Variants in KIZ observed in about 807,000 individuals in gnomAD.
The protein encoded by KIZ is centrosomal protein kizuna.
Under a neutral mutation model 79.6 loss-of-function variants are expected in KIZ, and 68 were observed. The ratio of observed to expected loss-of-function variants is 0.85; its 90% CI spans 0.70 to 1.05. KIZ has a LOEUF of 1.05. Among genes scored for constraint, KIZ ranks in the 50% least tolerant of loss-of-function variants. KIZ has a pLI of 0.00. For missense variants in KIZ, 797 were observed against 800.4 expected (o/e 1.00, Z 0.05); for synonymous variants, 280 against 281.8 (o/e 0.99, Z 0.06).
In KIZ at chr20:21,162,337, T is replaced by TA. The variant is rs757151632; in HGVS notation, c.875dup (p.Cys293ValfsTer2). 3.4e-5 allele frequency: 55 copies of TA among 1,613,784 alleles called. No individual in the cohort carries two copies. Among genetic ancestry groups the TA allele is most frequent in the Non-Finnish European group, 1.8e-5 (21 of 1,179,838 alleles). On this transcript the variant is annotated frameshift_variant, in exon 5 of 13. Transcript: ENST00000619189. LOFTEE classifies it high-confidence loss of function. ...AGTCCAGAGAACAGAACCACTGATT[T>TA]AAAGTGTGACAGTTCCAGCGGATCA...
intron 4 of KIZ, among the ~76,000 whole-genome samples, chr20:21,156,732 C>T (rs769699489): frequency 1.3e-5 from 2 of 152,160 alleles, no homozygotes; most frequent in Non-Finnish European, 2.9e-5. Flanking sequence ...TTTGGAAATG[C>T]TCACTGAAGT....
chr20:21,219,895 C>A (rs1028062305), intron 9 of KIZ, among the ~76,000 whole-genome samples: 1 of 152,152 alleles, frequency 6.6e-6, no homozygotes, highest in Non-Finnish European at 1.5e-5. Context: ...TTTAGATTTA[C>A]ATAGAAACCC....
At chr20:21,211,027 G>A (rs934072312) in intron 7 of KIZ, among the ~76,000 whole-genome samples, 6 of 151,764 alleles carry the variant, frequency 4.0e-5, no homozygotes, top group African/African-American at 1.5e-4. Flanking sequence ...TTTAATTTTT[G>A]TCTTTTAATT....
chr20:21,147,041 T>A (rs925244823), intron 4 of KIZ, among the ~76,000 whole-genome samples: 1 of 152,230 alleles, frequency 6.6e-6, no homozygotes, highest in African/African-American at 2.4e-5. Context: ...ATTGATGTGT[T>A]TTAATCTAGA....
In KIZ at chr20:21,162,397, T is replaced by A; in HGVS notation, c.932T>A (p.Val311Asp). 1 of 1,613,362 alleles carries A rather than the reference T, an allele frequency of 6.2e-7. No homozygotes were observed. Among genetic ancestry groups the A allele is most frequent in the Non-Finnish European group, 8.5e-7 (1 of 1,179,594 alleles). ...ATACTGACACGGGAACATATTGAAG[T>A]TGAGGAAAAAAGAGCCAGCCCGCCA... ...GEILTREHIE[V>D]EEKRASPPVS... Residue 311 changes from valine (V) to aspartate (D), a missense_variant, in exon 5 of 13, where the codon GTT becomes GAT. Val to Asp is a radical substitution (Grantham distance 152). Transcript: ENST00000619189.
At chr20:21,183,842 C>G (rs2034762102) in intron 6 of KIZ, among the ~76,000 whole-genome samples, 1 of 152,188 alleles carries the variant, frequency 6.6e-6, no homozygotes, top group South Asian at 2.1e-4. Flanking sequence ...TGGGCTCTGA[C>G]TTCTCTGTTT....
intron 6 of KIZ, among the ~76,000 whole-genome samples, chr20:21,176,896 G>T (rs1320142745): frequency 6.6e-6 from 1 of 152,210 alleles, no homozygotes; most frequent in South Asian, 2.1e-4. Flanking sequence ...CACTTAGCAT[G>T]TTGTCTTCAG....
At chr20:21,237,000 A>T (rs2037032716) in intron 11 of KIZ, among the ~76,000 whole-genome samples, 1 of 150,616 alleles carries the variant, frequency 6.6e-6, no homozygotes, top group Admixed American at 6.6e-5. Context: ...TCTGTTTAAA[A>T]AAAAAAAAAA....
At chr20:21,154,520 C>A (rs2033279216) in intron 4 of KIZ, among the ~76,000 whole-genome samples, 1 of 152,122 alleles carries the variant, frequency 6.6e-6, no homozygotes, top group Non-Finnish European at 1.5e-5. Context: ...ATAACTGTGA[C>A]AAGAAGAGAA....
At chr20:21,133,925 C>T (rs552458974) in intron 2 of KIZ, among the ~76,000 whole-genome samples, 6 of 152,304 alleles carry the variant, frequency 3.9e-5, no homozygotes, top group African/African-American at 1.2e-4. Flanking sequence ...GTATTCCTAC[C>T]GGTTTCTGAC....
At chr20:21,231,363 T>G (rs2036827064) in intron 10 of KIZ, among the ~76,000 whole-genome samples, 1 of 152,138 alleles carries the variant, frequency 6.6e-6, no homozygotes, top group Admixed American at 6.5e-5. Flanking sequence ...ATTTGACATA[T>G]AAGTTCTAGT....
intron 10 of KIZ, among the ~76,000 whole-genome samples, chr20:21,231,581 C>T (rs2036834408): frequency 6.6e-6 from 1 of 152,188 alleles, no homozygotes; most frequent in Admixed American, 6.5e-5. Flanking sequence ...CATGGAAGTG[C>T]TCCTGCCTAT....
intron 3 of KIZ, among the ~76,000 whole-genome samples, chr20:21,138,090 C>T (rs1434350954): frequency 6.6e-6 from 1 of 152,142 alleles, no homozygotes; most frequent in African/African-American, 2.4e-5. Context: ...TAATTTTCAG[C>T]TCGTATTCAG....
intron 6 of KIZ, chr20:21,195,531 A>G (rs1306485483): frequency 6.6e-6 from 1 of 152,182 alleles, no homozygotes; most frequent in East Asian, 1.9e-4. Flanking sequence ...TTTAGAAGAT[A>G]TCCAAAAACA....
chr20:21,232,140 G>C (rs1327600231), intron 10 of KIZ, among the ~76,000 whole-genome samples: 1 of 152,214 alleles, frequency 6.6e-6, no homozygotes, highest in Admixed American at 6.5e-5. Flanking sequence ...GCAAAGATCA[G>C]GGATTGCCCT....
intron 4 of KIZ, among the ~76,000 whole-genome samples, chr20:21,150,641 C>G (rs968692036): frequency 6.6e-6 from 1 of 152,182 alleles, no homozygotes; most frequent in Non-Finnish European, 1.5e-5. Context: ...GAAATTAACC[C>G]GAATTACACA....
intron 11 of KIZ, among the ~76,000 whole-genome samples, chr20:21,236,869 G>A (rs2037024158): frequency 6.6e-6 from 1 of 151,748 alleles, no homozygotes; most frequent in South Asian, 2.1e-4. Context: ...GTGTGGTGGT[G>A]TGCACCTGTA....
At chr20:21,131,726 G>T (rs548069962) in intron 1 of KIZ, 5 of 202,016 alleles carry the variant, frequency 2.5e-5, no homozygotes, top group African/African-American at 9.5e-5. Flanking sequence ...CTAGAACAGT[G>T]CCTGGGTCAT....
At chr20:21,185,676 G>T (rs1200093341) in intron 6 of KIZ, among the ~76,000 whole-genome samples, 4 of 150,488 alleles carry the variant, frequency 2.7e-5, no homozygotes, top group Non-Finnish European at 5.9e-5. Context: ...CTCCCAAAGT[G>T]CTGGGATTAC....
Sources: gnomAD v4.1 joint callset for allele counts (sites outside exome capture counted in the v4.1 genomes callset) on GRCh38, gnomAD v4.1.1 for gene constraint, MANE v1.5 for transcripts, NCBI Gene and HGNC (gene_info 2026-07-23, HGNC 2026-07-21) for gene names.